The following DTNA variants were observed in gnomAD, a reference collection of about 807,000 sequenced individuals.
DTNA encodes dystrophin-related protein 3.
In DTNA, 43 loss-of-function variants were observed where a neutral mutation model predicts 100.7. That is an observed-to-expected ratio of 0.43 (90% CI 0.33 to 0.55). The LOEUF is 0.55. Ranked by LOEUF, DTNA falls within the 20% of genes least tolerant of loss-of-function variation. The pLI is 0.04. For missense variants in DTNA, 798 were observed against 953.9 expected (o/e 0.84, Z 2.15); for synonymous variants, 349 against 347.9 (o/e 1.00, Z -0.04).
At chr18:34,671,601 C>T (rs926003703) in intron 1 of DTNA, among the ~76,000 whole-genome samples, 8 of 152,200 alleles carry the variant, frequency 5.3e-5, no homozygotes, top group East Asian at 1.9e-4. Flanking sequence ...GTCAGAAGTA[C>T]GGTACTCTGC....
chr18:34,600,358 CTAAG>C (rs1402836423), intron 1 of DTNA, among the ~76,000 whole-genome samples: 2 of 152,092 alleles, frequency 1.3e-5, no homozygotes, highest in Non-Finnish European at 2.9e-5. Context: ...TTGTAAACCT[CTAAG>C]TATTTTAAAA....
At chr18:34,527,321 C>T (rs549416414) in intron 1 of DTNA, among the ~76,000 whole-genome samples, 13 of 152,146 alleles carry the variant, frequency 8.5e-5, no homozygotes, top group African/African-American at 3.1e-4. Context: ...AAGAGAATCG[C>T]CTGCTCGTCA....
intron 9 of DTNA, among the ~76,000 whole-genome samples, chr18:34,824,993 A>G (rs1955908872): frequency 6.6e-6 from 1 of 152,006 alleles, no homozygotes; most frequent in Admixed American, 6.5e-5. Flanking sequence ...CGGTACTAAT[A>G]CACACACATA....
At chr18:34,578,421 G>C (rs1000739219) in intron 1 of DTNA, among the ~76,000 whole-genome samples, 2 of 142,706 alleles carry the variant, frequency 1.4e-5, no homozygotes, top group African/African-American at 5.5e-5. Flanking sequence ...TTCCCACTCT[G>C]TGGGCTGCCT....
At position 34,555,796 on chromosome 18, in the gene DTNA, G is replaced by T. The variant is rs376376638; in HGVS notation, c.-2+62282G>T. On this transcript the variant is annotated intron_variant, in intron 1 of 19. Coordinates refer to the DTNA transcript ENST00000283365. Reference sequence around the variant, plus strand: ...TTGCTGAGGAGAGCTTTACTTCCAAGTATGTGGTCAATTTTGGAATAGGTG... The same window carrying T: ...TTGCTGAGGAGAGCTTTACTTCCAATTATGTGGTCAATTTTGGAATAGGTG... Among the ~76,000 whole-genome samples the T allele has an allele frequency of 1.1e-3, 162 of 152,150 alleles. 7 individuals are homozygous for T. In the East Asian group the frequency reaches 0.026, roughly 24 times the overall value.
intron 17 of DTNA, chr18:34,866,002 C>A: frequency 8.0e-7 from 1 of 1,245,474 alleles, no homozygotes; most frequent in Non-Finnish European, 1.2e-6. Context: ...CCTGGACCTG[C>A]CGTCAAAGGT....
intron 1 of DTNA, among the ~76,000 whole-genome samples, chr18:34,589,998 T>C (rs376390048): frequency 2.6e-5 from 4 of 152,238 alleles, no homozygotes; most frequent in African/African-American, 9.6e-5. Flanking sequence ...CTGTATTCAT[T>C]CCTCTGTCAT....
chr18:34,639,405 C>A (rs1225112501), intron 1 of DTNA, among the ~76,000 whole-genome samples: 1 of 152,186 alleles, frequency 6.6e-6, no homozygotes, highest in Non-Finnish European at 1.5e-5. Context: ...GACCCTCTTG[C>A]CTGGGCCCTG....
intron 1 of DTNA, among the ~76,000 whole-genome samples, chr18:34,602,156 T>C (rs2052000199): frequency 6.6e-6 from 1 of 152,214 alleles, no homozygotes; most frequent in Non-Finnish European, 1.5e-5. Flanking sequence ...TTTTAAGCAC[T>C]AACTATAATC....
chr18:34,716,332 C>G (rs1003248156), intron 1 of DTNA, among the ~76,000 whole-genome samples: 2 of 152,094 alleles, frequency 1.3e-5, no homozygotes, highest in Non-Finnish European at 2.9e-5. Flanking sequence ...GAGGCCGAGG[C>G]GGGTGGATCG....
chr18:34,511,868 A>C (rs1169154684), intron 1 of DTNA, among the ~76,000 whole-genome samples: 1 of 152,052 alleles, frequency 6.6e-6, no homozygotes, highest in African/African-American at 2.4e-5. Flanking sequence ...AGTTTCTTGA[A>C]TGTCCCCAAG....
At chr18:34,782,010 T>G (rs1389802968) in intron 3 of DTNA, among the ~76,000 whole-genome samples, 1 of 152,186 alleles carries the variant, frequency 6.6e-6, no homozygotes. Context: ...TGGCCACAGT[T>G]CAAGTTACTG....
intron 3 of DTNA, among the ~76,000 whole-genome samples, chr18:34,790,809 A>G (rs2094704898): frequency 6.6e-6 from 1 of 152,200 alleles, no homozygotes; most frequent in Non-Finnish European, 1.5e-5. Context: ...TCAGCCAAAC[A>G]GTAAGCGTGA....
chr18:34,701,640 T>C (rs1468338880), intron 1 of DTNA, among the ~76,000 whole-genome samples: 1 of 152,210 alleles, frequency 6.6e-6, no homozygotes, highest in Non-Finnish European at 1.5e-5. Flanking sequence ...AAACTGTTCC[T>C]GGCACACACC....
intron 1 of DTNA, among the ~76,000 whole-genome samples, chr18:34,494,585 TGAA>T (rs891994169): frequency 2.0e-5 from 3 of 151,912 alleles, no homozygotes; most frequent in African/African-American, 7.3e-5. Flanking sequence ...TCCTGGGACT[TGAA>T]GGTAAAACTT....
intron 1 of DTNA, among the ~76,000 whole-genome samples, chr18:34,581,919 G>T (rs751099299): frequency 6.6e-6 from 1 of 152,078 alleles, no homozygotes; most frequent in Non-Finnish European, 1.5e-5. Flanking sequence ...ACCATGCCCG[G>T]CCCTGCCCCT....
Position 34,890,189 on chromosome 18 carries a change from C to G in DTNA, c.*2455C>G, listed in dbSNP as rs541542121. 8 of 1,445,060 alleles carry G rather than the reference C, an allele frequency of 5.5e-6. No individual in the cohort carries two copies. In the Admixed American group the frequency reaches 8.0e-5, roughly 14 times the overall value. 89.5% of individuals were successfully genotyped at this position (1,445,060 alleles called of 1,614,324 possible). The stretch of plus-strand genomic sequence containing the variant: ...TTGTCATAGCTATTTCATTGCCAAC[C>G]AACTCCATCACATGGTTGTTGATAT... On this transcript the variant is annotated 3_prime_UTR_variant, in exon 23 of 23. Transcript: ENST00000444659.
intron 1 of DTNA, among the ~76,000 whole-genome samples, chr18:34,623,744 T>G (rs1450294255): frequency 1.3e-5 from 2 of 152,172 alleles, no homozygotes; most frequent in Non-Finnish European, 2.9e-5. Flanking sequence ...AGGCTAATGG[T>G]TCAAGGAATT....
At chr18:34,529,720 G>A (rs1379562237) in intron 1 of DTNA, among the ~76,000 whole-genome samples, 5 of 152,072 alleles carry the variant, frequency 3.3e-5, no homozygotes, top group Admixed American at 1.3e-4. Context: ...TTAATGTACT[G>A]TCTCTTAATA....
Sources: allele counts gnomAD v4.1 joint callset (sites outside exome capture counted in the v4.1 genomes callset), GRCh38; gene constraint gnomAD v4.1.1; transcripts MANE v1.5; gene names NCBI Gene and HGNC (gene_info 2026-07-23, HGNC 2026-07-21).